PROX2: variants seen among roughly 807,000 people sequenced by gnomAD.
PROX2 encodes prospero homeobox 2.
A neutral mutation model predicts 48.9 loss-of-function variants in PROX2; 46 were observed. The observed-to-expected ratio is 0.94, with a 90% CI of 0.74 to 1.20. PROX2 has a LOEUF of 1.20. Among genes scored for constraint, PROX2 ranks in the 50% most tolerant of loss-of-function variants. The pLI, the probability that PROX2 is intolerant of heterozygous loss-of-function variation, is 0.00. For synonymous variants in PROX2, 260 were observed against 276.6 expected, an observed-to-expected ratio of 0.94 and a Z score of 0.60; for missense variants, 663 against 719.4, an observed-to-expected ratio of 0.92 and a Z score of 0.90.
In PROX2 at chr14:74,854,349, C is replaced by A; in HGVS notation, c.*783G>T. On this transcript the variant is annotated 3_prime_UTR_variant, in exon 6 of 6. Transcript: ENST00000556489. The stretch of plus-strand genomic sequence containing the variant: ...CAGAAATCTTGGGCGGTGAAGTGCT[C>A]CTAAGTGCTGGGCAGGAGTTGTCAG... 1 of 388,554 alleles carries A rather than the reference C, an allele frequency of 2.6e-6. No individual in the cohort carries two copies. The allele number at this position is 388,554 out of a possible 1,614,324, so 24.1% of individuals were successfully genotyped here. A position where few individuals can be genotyped will look rare whatever the true frequency, so the allele number is the denominator to read the frequency against.
At chr14:74,872,434 A>AAC (rs1423563966) in intron 1 of PROX2, among the ~76,000 whole-genome samples, 1 of 152,224 alleles carries the variant, frequency 6.6e-6, no homozygotes. Context: ...CCTTATCCTG[A>AAC]AACAGCTGCT....
At chr14:74,865,534 T>G (rs953783311) in intron 2 of PROX2, among the ~76,000 whole-genome samples, 8 of 152,124 alleles carry the variant, frequency 5.3e-5, no homozygotes, top group Non-Finnish European at 8.8e-5. Flanking sequence ...GTCACTTGCT[T>G]TCTAACTAAT....
At position 74,854,754 on chromosome 14, in the gene PROX2, G is replaced by A. The variant is rs1215893884; in HGVS notation, c.*378C>T. On this transcript the variant is annotated 3_prime_UTR_variant, in exon 6 of 6. Transcript: ENST00000556489. ...AGGGGCTCAAAAAACTGACATTTGTGTGTGAATGACATTGCATAGGACATA... is the reference window on the plus strand; with the variant it reads ...AGGGGCTCAAAAAACTGACATTTGTATGTGAATGACATTGCATAGGACATA... 2 of 160,158 alleles carry A rather than the reference G, an allele frequency of 1.2e-5. No individual in the cohort carries two copies. Among genetic ancestry groups the A allele is most frequent in the East Asian group, 1.8e-4 (1 of 5,486 alleles). 9.9% of individuals were successfully genotyped at this position (160,158 alleles called of 1,614,324 possible). A position where few individuals can be genotyped will look rare whatever the true frequency, so the allele number is the denominator to read the frequency against.
rs2091748988 is a variant in PROX2 at position 74,856,991 on chromosome 14, T to C, written c.1418A>G (p.Asn473Ser). 1.2e-6 allele frequency: 2 copies of C among 1,613,860 alleles called. No individual in the cohort carries two copies. Among genetic ancestry groups the C allele is most frequent in the East Asian group, 4.5e-5 (2 of 44,876 alleles). Reference sequence around the variant, plus strand: ...GATCATCTGGGAGGTAATGCAGCGGTTGAACTGTACAAACAAGAGGTCCAT... The same window carrying C: ...GATCATCTGGGAGGTAATGCAGCGGCTGAACTGTACAAACAAGAGGTCCAT... ...LKVYFPDVQF[N>S]RCITSQMIKW... Residue 473 changes from asparagine (N) to serine (S), a missense_variant, in exon 5 of 6, where the codon AAC becomes AGC. Coordinates refer to ENST00000556489, the MANE Select transcript of PROX2 (RefSeq NM_001243007.2).
At chr14:74,861,257 C>G in intron 3 of PROX2, 1 of 1,347,766 alleles carries the variant, frequency 7.4e-7, no homozygotes. Context: ...AGATTCCCCT[C>G]AAAGCTGCAC....
At position 74,863,001 on chromosome 14, in the gene PROX2, G is replaced by A. The variant is rs762387330; in HGVS notation, c.834C>T (p.Ala278=). Residue 278 remains alanine, a synonymous_variant, in exon 3 of 6, where the codon GCC becomes GCT. Coordinates refer to ENST00000556489, the MANE Select transcript of PROX2 (RefSeq NM_001243007.2). ...CAGCCAAAGCAAGTGGATCTTTACAGGCCCCTCCCACAGGAGGTGAGGGCT... is the reference window on the plus strand; with the variant it reads ...CAGCCAAAGCAAGTGGATCTTTACAAGCCCCTCCCACAGGAGGTGAGGGCT... ...RSEPSPPVGG[A]CKDPLALAAL... is the part of the protein sequence containing the mutation. The A allele has an allele frequency of 3.1e-6, 5 of 1,613,974 alleles. No individual in the cohort carries two copies. The highest frequency in any genetic ancestry group is 3.4e-6 in the Non-Finnish European group (4 of 1,179,870).
At chr14:74,874,060 T>G (rs889125947) in intron 1 of PROX2, 16 of 523,746 alleles carry the variant, frequency 3.1e-5, no homozygotes, top group Non-Finnish European at 4.7e-5. Context: ...TAATTATGAA[T>G]CCGCCTTTTG....
chr14:74,873,445 T>C (rs1313001008), intron 1 of PROX2, among the ~76,000 whole-genome samples: 3 of 152,168 alleles, frequency 2.0e-5, no homozygotes, highest in Non-Finnish European at 4.4e-5. Context: ...AAATAGGCAC[T>C]CCTTAAACTG....
intron 2 of PROX2, among the ~76,000 whole-genome samples, chr14:74,870,441 TACACACACAC>T (rs10525556): frequency 9.0e-6 from 1 of 110,928 alleles, no homozygotes; most frequent in Non-Finnish European, 1.7e-5. Context: ...AAAAAAAAAA[TACACACACAC>T]ACACACACAC....
intron 2 of PROX2, among the ~76,000 whole-genome samples, chr14:74,868,963 A>G (rs1883146286): frequency 6.6e-6 from 1 of 152,182 alleles, no homozygotes; most frequent in Non-Finnish European, 1.5e-5. Flanking sequence ...CAGTTTTCTC[A>G]TCAGTAAAAT....
At position 74,863,630 on chromosome 14, in the gene PROX2, C is replaced by T; in HGVS notation, c.205G>A (p.Glu69Lys). ...EHIQAKRARV[E>K]TIVRGMCLSP... ...AGACACATGCCTCGGACAATGGTCTCCACTCTGGCCCTCTTTGCCTGGATG... is the reference window on the plus strand; with the variant it reads ...AGACACATGCCTCGGACAATGGTCTTCACTCTGGCCCTCTTTGCCTGGATG... The change falls in exon 3 of 6, where the codon GAG (glutamate) becomes AAG (lysine). Residue 69 changes from glutamate to lysine, a missense_variant. Glu to Lys is a moderately conservative substitution (Grantham distance 56, BLOSUM62 1). Transcript: ENST00000556489. The T allele has an allele frequency of 6.3e-7, 1 of 1,592,174 alleles. No individual in the cohort carries two copies. Among genetic ancestry groups the T allele is most frequent in the Non-Finnish European group, 8.6e-7 (1 of 1,169,492 alleles).
chr14:74,856,831 A>G lies in PROX2; in HGVS notation c.1578T>C (p.Asn526=), dbSNP rs759433701. 2.5e-6 allele frequency: 4 copies of G among 1,614,012 alleles called. No homozygotes were observed. The Admixed American group carries it at 6.7e-5, about 27-fold the overall frequency. ...AGTCATTTCCCTTGTTGTAGTGCAT[A>G]TTGAGAGCTTGAAAAAGTTCTGAAT... The part of the protein sequence containing the change: ...LRNSELFQAL[N]MHYNKGNDFE... The change falls in exon 5 of 6, where the codon AAT becomes AAC. Residue 526 remains asparagine, a synonymous_variant. Coordinates refer to ENST00000556489, the MANE Select transcript of PROX2 (RefSeq NM_001243007.2).
In PROX2 at chr14:74,862,572, G is replaced by T; in HGVS notation, c.1263C>A (p.Gly421=). ...LLPSVKMEQR[G]LHAVMEALPF... is the part of the protein sequence containing the mutation. ...GCAGTGCCTCCATGACAGCATGCAG[G>T]CCTCTCTGTTCCATCTTCACCGAGG... is the stretch of plus-strand genomic sequence containing the variant. Residue 421 remains glycine, a synonymous_variant, in exon 3 of 6, where the codon GGC becomes GGA. Coordinates refer to ENST00000556489, the MANE Select transcript of PROX2 (RefSeq NM_001243007.2). 2 of 1,613,938 alleles carry T rather than the reference G, an allele frequency of 1.2e-6. 1 individual carries two copies. The highest frequency in any genetic ancestry group is 2.2e-5 in the South Asian group (2 of 91,078).
intron 2 of PROX2, among the ~76,000 whole-genome samples, chr14:74,864,241 T>G (rs754690870): frequency 2.8e-4 from 43 of 152,036 alleles, no homozygotes; most frequent in Non-Finnish European, 2.9e-5. Flanking sequence ...GAGAAAAATC[T>G]TCTCCTGCTT....
intron 2 of PROX2, among the ~76,000 whole-genome samples, chr14:74,865,599 T>G (rs1004778700): frequency 1.3e-5 from 2 of 152,208 alleles, no homozygotes; most frequent in African/African-American, 4.8e-5. Flanking sequence ...TCCCAGCACT[T>G]TGGGAGGCTG....
intron 3 of PROX2, chr14:74,858,775 A>AT (rs1205823119): frequency 6.2e-5 from 13 of 209,038 alleles, no homozygotes; most frequent in East Asian, 1.1e-4. Flanking sequence ...AGGTTGGTGT[A>AT]TTTTGTGTGT....
At position 74,874,051 on chromosome 14, in the gene PROX2, A is replaced by G. The variant is rs111843725; in HGVS notation, c.-310+1844T>C. On this transcript the variant is annotated intron_variant, in intron 1 of 5. Transcript: ENST00000556489. ...AGGATGTCAAGTCATTTGATACAGT[A>G]ATTATGAATCCGCCTTTTGGGACCA... is the stretch of plus-strand genomic sequence containing the variant. 1.4e-4 allele frequency: 74 copies of G among 523,578 alleles called. 1 individual carries two copies. The highest frequency in any genetic ancestry group is 1.2e-3 in the African/African-American group (60 of 51,556). The allele number at this position is 523,578 out of a possible 1,614,324, so 32.4% of individuals were successfully genotyped here. A position where few individuals can be genotyped will look rare whatever the true frequency, so the allele number is the denominator to read the frequency against.
chr14:74,870,915 A>T (rs980417846), intron 2 of PROX2, among the ~76,000 whole-genome samples, 188 bp downstream of exon 2: 4 of 152,076 alleles, frequency 2.6e-5, no homozygotes, highest in Admixed American at 1.3e-4. Context: ...GGTGGCATGC[A>T]TCTGTAATCC....
intron 1 of PROX2, chr14:74,871,986 A>G (rs906093754): frequency 1.3e-5 from 2 of 152,358 alleles, no homozygotes; most frequent in African/African-American, 4.8e-5. Context: ...GCTCTGCCCA[A>G]GTGGGACAAA....
Sources: gnomAD v4.1 joint callset for allele counts (sites outside exome capture counted in the v4.1 genomes callset) on GRCh38, gnomAD v4.1.1 for gene constraint, MANE v1.5 for transcripts, NCBI Gene and HGNC (gene_info 2026-07-23, HGNC 2026-07-21) for gene names.